Variants in SLC44A5 observed in about 807,000 individuals in gnomAD.
The protein encoded by SLC44A5 is choline transporter-like protein 5.
A neutral mutation model predicts 101.8 loss-of-function variants in SLC44A5; 57 were observed. That is an observed-to-expected ratio of 0.56 (90% CI 0.45 to 0.70). The LOEUF (loss-of-function observed/expected upper bound fraction) is 0.70, where lower values mean the gene tolerates loss of function less well. Ranked by LOEUF, SLC44A5 falls within the 30% of genes least tolerant of loss-of-function variation. The pLI is 0.00. For missense variants in SLC44A5, 737 were observed against 853.1 expected, an observed-to-expected ratio of 0.86 and a Z score of 1.70; for synonymous variants, 281 against 290.9, an observed-to-expected ratio of 0.97 and a Z score of 0.35.
chr1:75,412,071 T>G, intron 2 of SLC44A5, among the ~76,000 whole-genome samples: 1 of 152,260 alleles, frequency 6.6e-6, no homozygotes. Flanking sequence ...TTCAGTAGAA[T>G]TTGATGAGGA....
chr1:75,609,997 A>T (rs1675557692), intron 1 of SLC44A5, among the ~76,000 whole-genome samples: 1 of 152,036 alleles, frequency 6.6e-6, no homozygotes, highest in Non-Finnish European at 1.5e-5. Context: ...AGCTACAGTC[A>T]TCTGAAGGCT....
chr1:75,703,853 C>A, the SLC44A5 span, among the ~76,000 whole-genome samples: 1 of 151,562 alleles, frequency 6.6e-6, no homozygotes, highest in Non-Finnish European at 1.5e-5. Flanking sequence ...ATTGTCTTTA[C>A]ATGAATCAAC....
At chr1:75,537,968 C>A (rs1421200510) in intron 2 of SLC44A5, 1 of 152,084 alleles carries the variant, frequency 6.6e-6, no homozygotes, top group Non-Finnish European at 1.5e-5. Context: ...AGCTAATATA[C>A]ATACAATGTG....
chr1:75,260,015 G>A (rs1650354099), intron 6 of SLC44A5, among the ~76,000 whole-genome samples: 1 of 152,066 alleles, frequency 6.6e-6, no homozygotes, highest in Non-Finnish European at 1.5e-5. Flanking sequence ...CCCTAAAAGA[G>A]CTCCTGAAGG....
chr1:75,552,745 G>C (rs1433988791), intron 1 of SLC44A5, among the ~76,000 whole-genome samples: 1 of 151,106 alleles, frequency 6.6e-6, no homozygotes, highest in East Asian at 1.9e-4. Flanking sequence ...TTAAAGAAAT[G>C]ATGACACTCT....
At chr1:75,471,582 G>A (rs762895589) in intron 2 of SLC44A5, among the ~76,000 whole-genome samples, 44 of 152,016 alleles carry the variant, frequency 2.9e-4, no homozygotes, top group Non-Finnish European at 5.9e-4. Flanking sequence ...AAGAGAATGC[G>A]GGCAGAGCTC....
At chr1:75,654,153 T>C in the SLC44A5 span, among the ~76,000 whole-genome samples, 6,496 of 152,282 alleles carry the variant, frequency 0.043, 194 homozygotes, top group African/African-American at 0.087. Flanking sequence ...AAAATATTTA[T>C]AGGTTTTACT....
At chr1:75,720,146 G>A in the SLC44A5 span, among the ~76,000 whole-genome samples, 1 of 152,130 alleles carries the variant, frequency 6.6e-6, no homozygotes, top group Non-Finnish European at 1.5e-5. Context: ...CCCTTTCCCT[G>A]TGGTATACAA....
chr1:75,361,674 C>A (rs2101117676), intron 3 of SLC44A5, among the ~76,000 whole-genome samples: 2 of 152,142 alleles, frequency 1.3e-5, no homozygotes, highest in East Asian at 3.9e-4. Context: ...GTTGAATCAT[C>A]CTTGTATCCC....
chr1:75,421,124 A>G (rs1435261158), intron 2 of SLC44A5, among the ~76,000 whole-genome samples: 1 of 152,120 alleles, frequency 6.6e-6, no homozygotes, highest in Admixed American at 6.6e-5. Context: ...TTGCCCTTTC[A>G]AAGCACAACA....
chr1:75,293,976 G>T (rs1028998918), intron 5 of SLC44A5, among the ~76,000 whole-genome samples: 2 of 152,074 alleles, frequency 1.3e-5, no homozygotes, highest in African/African-American at 4.8e-5. Flanking sequence ...TGTAAAAAAT[G>T]CAAAAGGACA....
intron 5 of SLC44A5, among the ~76,000 whole-genome samples, chr1:75,285,628 A>C (rs2100799347): frequency 6.6e-6 from 1 of 152,112 alleles, no homozygotes; most frequent in Non-Finnish European, 1.5e-5. Flanking sequence ...TCATCTTAGC[A>C]CCACTTTTGC....
Position 75,215,526 on chromosome 1 carries a change from A to AT in SLC44A5, c.1728+227dup, listed in dbSNP as rs570793218. On this transcript the variant is annotated intron_variant, in intron 19 of 23. Transcript: ENST00000370859. ...CTTATAAGTTTCCAAAGTGTGTAAT[A>AT]TTTTTTTCTCTCAAAAAAGATATTG... 4.4e-3 allele frequency among the ~76,000 whole-genome samples: 673 copies of AT among 152,158 alleles called. 2 individuals are homozygous for AT. Among genetic ancestry groups the AT allele is most frequent in the African/African-American group, 0.016 (655 of 41,554 alleles).
intron 2 of SLC44A5, among the ~76,000 whole-genome samples, chr1:75,508,652 A>G (rs974726731): frequency 2.6e-5 from 4 of 152,206 alleles, no homozygotes; most frequent in African/African-American, 9.7e-5. Flanking sequence ...ACAATCAGAA[A>G]TGAACAAGAT....
chr1:75,718,606 T>G, the SLC44A5 span, among the ~76,000 whole-genome samples: 1 of 152,208 alleles, frequency 6.6e-6, no homozygotes, highest in East Asian at 1.9e-4. Flanking sequence ...GGAATGGATC[T>G]TGCTACCTGA....
chr1:75,516,798 C>G (rs1669865399), intron 2 of SLC44A5, among the ~76,000 whole-genome samples: 1 of 152,124 alleles, frequency 6.6e-6, no homozygotes, highest in African/African-American at 2.4e-5. Flanking sequence ...GGGGTAAGAA[C>G]TTTTAAATAA....
chr1:75,642,183 G>A, the SLC44A5 span: 3 of 631,590 alleles, frequency 4.7e-6, no homozygotes, highest in Non-Finnish European at 5.3e-6. Flanking sequence ...CCTTATGTTA[G>A]CTGACACACA....
chr1:75,643,428 C>A, the SLC44A5 span, among the ~76,000 whole-genome samples: 1 of 152,044 alleles, frequency 6.6e-6, no homozygotes, highest in Non-Finnish European at 1.5e-5. Context: ...AAGCAAATAT[C>A]GTTTAATTAT....
chr1:75,603,308 TG>T (rs1675100890), intron 1 of SLC44A5, among the ~76,000 whole-genome samples: 1 of 151,994 alleles, frequency 6.6e-6, no homozygotes, highest in African/African-American at 2.4e-5. Context: ...GCAAAGGAAA[TG>T]ATTTTGTTCT....
Sources: gnomAD v4.1 joint callset for allele counts (sites outside exome capture counted in the v4.1 genomes callset) on GRCh38, gnomAD v4.1.1 for gene constraint, MANE v1.5 for transcripts, NCBI Gene and HGNC (gene_info 2026-07-23, HGNC 2026-07-21) for gene names.